The following PTPN22 variants were observed in gnomAD, a reference collection of about 807,000 sequenced individuals.
PTPN22 encodes protein tyrosine phosphatase non-receptor type 22.
PTPN22 carries 85 observed loss-of-function variants against 103.3 expected under a neutral mutation model. That is an observed-to-expected ratio of 0.82 (90% confidence interval 0.69 to 0.99). The LOEUF (loss-of-function observed/expected upper bound fraction) is 0.99, where lower values mean the gene tolerates loss of function less well. Ranked by LOEUF, PTPN22 falls within the 50% of genes least tolerant of loss-of-function variation. The pLI, the probability that PTPN22 is intolerant of heterozygous loss-of-function variation, is 0.00. For missense variants in PTPN22, 865 were observed against 936.9 expected (o/e 0.92, Z 1.00); for synonymous variants, 323 against 310.2 (o/e 1.04, Z -0.43).
At chr1:113,837,409 C>T (rs1366542388) in intron 13 of PTPN22, among the ~76,000 whole-genome samples, 181 bp downstream of exon 13, 1 of 149,146 alleles carries the variant, frequency 6.7e-6, no homozygotes, top group Non-Finnish European at 1.5e-5. Context: ...AAGATTGCAC[C>T]ACTGCACTCC....
chr1:113,848,913 T>C (rs1434065243), intron 10 of PTPN22, among the ~76,000 whole-genome samples: 3 of 152,202 alleles, frequency 2.0e-5, no homozygotes, highest in African/African-American at 2.4e-5. Flanking sequence ...CCTAGTTTCT[T>C]ATCTTTCTCT....
chr1:113,862,186 G>T (rs1178617083), intron 1 of PTPN22, among the ~76,000 whole-genome samples: 1 of 152,082 alleles, frequency 6.6e-6, no homozygotes, highest in East Asian at 1.9e-4. Flanking sequence ...GGAGGCTAAG[G>T]CAAGGAGAAT....
At chr1:113,839,949 C>T (rs1261132575) in intron 11 of PTPN22, among the ~76,000 whole-genome samples, 3 of 151,868 alleles carry the variant, frequency 2.0e-5, no homozygotes, top group African/African-American at 4.8e-5. Context: ...CAGTGGCTCA[C>T]GCCTGTAATC....
chr1:113,837,841 G>A (rs760663313), exon 13 of PTPN22: 1 of 1,613,636 alleles, frequency 6.2e-7, no homozygotes, highest in East Asian at 2.2e-5. Flanking sequence ...AAGAGCACTA[G>A]AGTCATGGTG....
At chr1:113,856,226 C>T (rs1343498629) in intron 7 of PTPN22, among the ~76,000 whole-genome samples, 156 bp downstream of exon 7, 2 of 152,182 alleles carry the variant, frequency 1.3e-5, no homozygotes, top group Admixed American at 1.3e-4. Flanking sequence ...CCATGTCGGC[C>T]AGGCTCAAAG....
At chr1:113,850,924 C>T (rs1051298348) in intron 10 of PTPN22, among the ~76,000 whole-genome samples, 5 of 152,116 alleles carry the variant, frequency 3.3e-5, no homozygotes, top group Admixed American at 6.6e-5. Flanking sequence ...CATCAATACA[C>T]GTTTCATGAA....
At chr1:113,814,317 T>G (rs1238200665) in exon 21 of PTPN22, 1 of 152,230 alleles carries the variant, frequency 6.6e-6, no homozygotes, top group African/African-American at 2.4e-5. Context: ...CCTTGTTACA[T>G]TCAAATAATT....
At chr1:113,859,023 G>A (rs1398688246) in exon 3 of PTPN22, 3 of 1,613,860 alleles carry the variant, frequency 1.9e-6, no homozygotes, top group South Asian at 1.1e-5. Flanking sequence ...TGGCATTGAT[G>A]TAGCTGGAAT....
chr1:113,861,064 G>A (rs80120367), intron 1 of PTPN22, among the ~76,000 whole-genome samples: 1,666 of 152,114 alleles, frequency 0.011, 12 homozygotes, highest in Non-Finnish European at 0.018. Context: ...CCTCCCCCTC[G>A]AGTAATCTAG....
At chr1:113,828,348 C>T (rs1024495934) in intron 18 of PTPN22, among the ~76,000 whole-genome samples, 12 of 152,050 alleles carry the variant, frequency 7.9e-5, no homozygotes, top group African/African-American at 2.9e-4. Context: ...AAGACTCTTT[C>T]CAAGTTTCTT....
At chr1:113,855,118 C>T (rs1262311706) in intron 7 of PTPN22, 69 bp from the exon 8 acceptor site, 1 of 1,373,306 alleles carries the variant, frequency 7.3e-7, no homozygotes, top group Non-Finnish European at 1.0e-6. Context: ...GGGTATTATG[C>T]TCACTACCTG....
exon 13 of PTPN22, chr1:113,837,927 A>G (rs141608148): frequency 4.3e-6 from 7 of 1,614,026 alleles, no homozygotes; most frequent in Middle Eastern, 3.3e-4. Context: ...CTGAAGAAAC[A>G]TGCATTACTT....
chr1:113,821,703 A>G lies in PTPN22; in HGVS notation c.2282-2049T>C, dbSNP rs111641092. Among the ~76,000 whole-genome samples the G allele has an allele frequency of 4.4e-3, 665 of 152,066 alleles. 2 individuals carry two copies. Among genetic ancestry groups the G allele is most frequent in the African/African-American group, 0.015 (641 of 41,454 alleles). On this transcript the variant is annotated intron_variant, in intron 19 of 20. Coordinates refer to ENST00000359785, the Ensembl canonical transcript of PTPN22. The stretch of plus-strand genomic sequence containing the variant: ...AACTTGAATTTTCCTTTAGGAAACT[A>G]CCCCTCCCCAGTTTTCAGTTCCCGT...
At position 113,854,882 on chromosome 1, in the gene PTPN22, A is replaced by G. The variant is rs759500985; in HGVS notation, c.683+25T>C. On this transcript the variant is annotated intron_variant, in intron 8 of 20. Transcript: ENST00000359785. ...CTCTGACATTTGGTTCATTTTGGGTAGAAGGTTTATATATAGTGTCATACC... is the reference window on the plus strand; with the variant it reads ...CTCTGACATTTGGTTCATTTTGGGTGGAAGGTTTATATATAGTGTCATACC... 13 of 1,605,336 alleles carry G rather than the reference A, an allele frequency of 8.1e-6. 1 individual carries two copies. The South Asian group carries it at 1.4e-4, about 18-fold the overall frequency.
At chr1:113,864,139 A>G (rs1665900398) in intron 1 of PTPN22, 1 of 373,364 alleles carries the variant, frequency 2.7e-6, no homozygotes, top group Admixed American at 3.4e-5. Context: ...AAACAAACAA[A>G]AAACTGAAAT....
At chr1:113,824,287 A>T (rs1022319884) in intron 19 of PTPN22, among the ~76,000 whole-genome samples, 7 of 151,770 alleles carry the variant, frequency 4.6e-5, no homozygotes, top group Admixed American at 2.0e-4. Flanking sequence ...TTTTTAGTAG[A>T]GACGGGGTTA....
chr1:113,837,189 T>A (rs1014549827), intron 13 of PTPN22, among the ~76,000 whole-genome samples: 1 of 151,928 alleles, frequency 6.6e-6, no homozygotes, highest in Non-Finnish European at 1.5e-5. Context: ...TGGTGGCTCA[T>A]GCCTGTAATC....
intron 13 of PTPN22, among the ~76,000 whole-genome samples, chr1:113,836,679 G>A (rs893168037): frequency 3.3e-5 from 5 of 152,020 alleles, no homozygotes; most frequent in African/African-American, 7.2e-5. Context: ...TGTAATCCCA[G>A]CACTTTGGGA....
chr1:113,856,891 A>T, intron 5 of PTPN22: 1 of 396,216 alleles, frequency 2.5e-6, no homozygotes, highest in Non-Finnish European at 4.6e-6. Flanking sequence ...AACAGAAATC[A>T]TATGTCTACT....
Sources: allele counts gnomAD v4.1 joint callset (sites outside exome capture counted in the v4.1 genomes callset), GRCh38; gene constraint gnomAD v4.1.1; transcripts MANE v1.5; gene names NCBI Gene and HGNC (gene_info 2026-07-23, HGNC 2026-07-21).